The following ST3GAL5 variants were observed in gnomAD, a reference collection of about 807,000 sequenced individuals.
ST3GAL5 encodes ST3 beta-galactoside alpha-2,3-sialyltransferase 5, also known as lactosylceramide alpha-2,3-sialyltransferase.
Under a neutral mutation model 46.1 loss-of-function variants are expected in ST3GAL5, and 25 were observed. That is an observed-to-expected ratio of 0.54 (90% confidence interval 0.40 to 0.76). The LOEUF is 0.76. Among genes scored for constraint, ST3GAL5 ranks in the 30% least tolerant of loss-of-function variants. ST3GAL5 has a pLI of 0.00. For missense variants in ST3GAL5, 431 were observed against 521.2 expected, an observed-to-expected ratio of 0.83 and a Z score of 1.69; for synonymous variants, 182 against 192.7, an observed-to-expected ratio of 0.94 and a Z score of 0.46.
chr2:85,883,142 C>T (rs1400767722), intron 1 of ST3GAL5, among the ~76,000 whole-genome samples: 1 of 152,078 alleles, frequency 6.6e-6, no homozygotes, highest in Non-Finnish European at 1.5e-5. Flanking sequence ...GGGAGGAATG[C>T]TATGATTTGG....
intron 1 of ST3GAL5, among the ~76,000 whole-genome samples, chr2:85,880,103 C>G (rs1344891315): frequency 6.6e-6 from 1 of 152,090 alleles, no homozygotes; most frequent in African/African-American, 2.4e-5. Flanking sequence ...ACAGAAGAAC[C>G]AGAGGAGTCA....
intron 1 of ST3GAL5, among the ~76,000 whole-genome samples, chr2:85,868,570 C>T (rs1362459783): frequency 4.0e-5 from 6 of 151,870 alleles, no homozygotes; most frequent in Non-Finnish European, 8.8e-5. Flanking sequence ...CTTGGCCTCC[C>T]AAAGTGCTGG....
chr2:85,861,146 G>T, intron 3 of ST3GAL5, 35 bp downstream of exon 3: 1 of 1,340,836 alleles, frequency 7.5e-7, no homozygotes, highest in Non-Finnish European at 1.1e-6. Flanking sequence ...GCTTGGCAAT[G>T]TTTTCATTTA....
chr2:85,846,389 T>C lies in ST3GAL5; in HGVS notation c.837A>G (p.Lys279=), dbSNP rs1038571940. The change falls in exon 5 of 7, where the codon AAA becomes AAG. Residue 279 remains lysine, a synonymous_variant. Coordinates refer to ENST00000638572, the MANE Select transcript of ST3GAL5 (RefSeq NM_003896.4). The stretch of plus-strand genomic sequence containing the variant: ...TATTAGTGCTTACCAGGGTTTCCTT[T>C]TTTACCATTGCTTGAAGCCAGTTGA... The part of the protein sequence containing the change: ...VDFNWLQAMV[K]KETLPFWVRL... The C allele has an allele frequency of 6.2e-7, 1 of 1,614,106 alleles. No homozygotes were observed. Among genetic ancestry groups the C allele is most frequent in the Non-Finnish European group, 8.5e-7 (1 of 1,180,006 alleles).
chr2:85,851,774 C>T (rs941071842), intron 3 of ST3GAL5: 13 of 1,255,668 alleles, frequency 1.0e-5, no homozygotes, highest in South Asian at 2.5e-5. Flanking sequence ...GCCTCAGAGG[C>T]GTCAGCTGGG....
In ST3GAL5 at chr2:85,847,317, G is replaced by T. The variant is rs1682914276; in HGVS notation, c.662+544C>A. ...CCCTGTCTGGGAGTTGTGGTCCTTTGCTGTTTTACTTGAATCTACCCACCT... is the reference window on the plus strand; with the variant it reads ...CCCTGTCTGGGAGTTGTGGTCCTTTTCTGTTTTACTTGAATCTACCCACCT... On this transcript the variant is annotated intron_variant, in intron 4 of 6. Transcript: ENST00000638572. 8 of 958,592 alleles carry T rather than the reference G, an allele frequency of 8.3e-6. 1 individual carries two copies. In the South Asian group the frequency reaches 3.7e-4, roughly 45 times the overall value. 59.4% of individuals were successfully genotyped at this position (958,592 alleles called of 1,614,324 possible). A position where few individuals can be genotyped will look rare whatever the true frequency, so the allele number is the denominator to read the frequency against.
At chr2:85,866,981 A>G (rs1159801043) in intron 1 of ST3GAL5, among the ~76,000 whole-genome samples, 1 of 152,244 alleles carries the variant, frequency 6.6e-6, no homozygotes, top group Non-Finnish European at 1.5e-5. Context: ...AGAAATTATA[A>G]TGGCAAGAAT....
intron 1 of ST3GAL5, among the ~76,000 whole-genome samples, chr2:85,881,523 G>T (rs1687149791): frequency 6.6e-6 from 1 of 152,194 alleles, no homozygotes; most frequent in Non-Finnish European, 1.5e-5. Flanking sequence ...GGTTGAGGTG[G>T]TCTCAGATGG....
chr2:85,857,931 A>G (rs1218087221), intron 3 of ST3GAL5, among the ~76,000 whole-genome samples: 3 of 152,198 alleles, frequency 2.0e-5, no homozygotes, highest in Admixed American at 2.0e-4. Context: ...AATGCCACGT[A>G]CTATGTATTT....
At chr2:85,874,897 T>A (rs17026728) in intron 1 of ST3GAL5, among the ~76,000 whole-genome samples, 17,012 of 151,700 alleles carry the variant, frequency 0.11, 1,023 homozygotes, top group East Asian at 0.23. Context: ...ATCATAATCA[T>A]TGGGCATTTA....
chr2:85,861,113 A>C (rs1684677843), intron 3 of ST3GAL5, 68 bp downstream of exon 3: 1 of 1,062,140 alleles, frequency 9.4e-7, no homozygotes, highest in African/African-American at 1.5e-5. Flanking sequence ...CAGTAGACTA[A>C]TGATATTATA....
At chr2:85,844,672 G>T in intron 5 of ST3GAL5, 118 bp from the exon 6 acceptor site, 1 of 1,367,768 alleles carries the variant, frequency 7.3e-7, no homozygotes. Flanking sequence ...ACTGCCTTCT[G>T]AAGCAATCTA....
Position 85,846,434 on chromosome 2 carries a change from A to G in ST3GAL5, c.792T>C (p.Val264=), listed in dbSNP as rs1210899519. The stretch of plus-strand genomic sequence containing the variant: ...AGTTGAAATCAACACTCTTAAATAA[A>G]ACAGCAACAAATAAGTCATTGGAAT... The part of the protein sequence containing the change: ...EYYSNDLFVA[V]LFKSVDFNWL... The change falls in exon 5 of 7, where the codon GTT becomes GTC. Residue 264 remains valine, a synonymous_variant. Coordinates refer to ENST00000638572, the MANE Select transcript of ST3GAL5 (RefSeq NM_003896.4). 3.7e-6 allele frequency: 6 copies of G among 1,614,232 alleles called. No homozygotes were observed. Among genetic ancestry groups the G allele is most frequent in the South Asian group, 1.1e-5 (1 of 91,082 alleles).
intron 1 of ST3GAL5, among the ~76,000 whole-genome samples, chr2:85,882,044 G>A (rs758916298): frequency 1.3e-4 from 20 of 152,360 alleles, no homozygotes; most frequent in African/African-American, 2.4e-4. Context: ...CACTCCAGCC[G>A]TGGCTGAAAG....
chr2:85,841,856 C>T (rs1375335671), intron 6 of ST3GAL5, among the ~76,000 whole-genome samples: 4 of 152,174 alleles, frequency 2.6e-5, no homozygotes, highest in Non-Finnish European at 5.9e-5. Context: ...AAAAACAGTA[C>T]ACAGGACAGG....
At chr2:85,882,951 A>G (rs1467261984) in intron 1 of ST3GAL5, among the ~76,000 whole-genome samples, 1 of 151,872 alleles carries the variant, frequency 6.6e-6, no homozygotes, top group African/African-American at 2.4e-5. Flanking sequence ...CTGTACCCCT[A>G]TTGTATCTAA....
chr2:85,882,447 AG>A (rs1421998924), intron 1 of ST3GAL5, among the ~76,000 whole-genome samples: 1 of 152,228 alleles, frequency 6.6e-6, no homozygotes, highest in Non-Finnish European at 1.5e-5. Flanking sequence ...GCAAAGCCAC[AG>A]GGGCAGAGCT....
intron 1 of ST3GAL5, among the ~76,000 whole-genome samples, chr2:85,883,222 G>A (rs929806351): frequency 7.2e-5 from 11 of 152,126 alleles, no homozygotes; most frequent in Non-Finnish European, 1.3e-4. Flanking sequence ...GGAGGGACCC[G>A]GGGGAGGTAA....
chr2:85,888,020 G>T (rs1687948343), intron 1 of ST3GAL5: 1 of 152,198 alleles, frequency 6.6e-6, no homozygotes, highest in Admixed American at 6.5e-5. Context: ...GATTCTGCAG[G>T]ATCCTCTACC....
Sources: allele counts gnomAD v4.1 joint callset (sites outside exome capture counted in the v4.1 genomes callset), GRCh38; gene constraint gnomAD v4.1.1; transcripts MANE v1.5; gene names NCBI Gene and HGNC (gene_info 2026-07-23, HGNC 2026-07-21).